The following PCDHA9 variants were observed in gnomAD, a reference collection of about 807,000 sequenced individuals.
PCDHA9 encodes protocadherin alpha 9.
In PCDHA9, 62 loss-of-function variants were observed where a neutral mutation model predicts 62.0. The ratio of observed to expected loss-of-function variants is 1.00; its 90% CI spans 0.81 to 1.23. The LOEUF is 1.23. PCDHA9 is among the 50% of genes most tolerant of loss of function. PCDHA9 has a pLI of 0.00. For synonymous variants in PCDHA9, 557 were observed against 567.6 expected, an observed-to-expected ratio of 0.98 and a Z score of 0.27; for missense variants, 1,205 against 1,249.8, an observed-to-expected ratio of 0.96 and a Z score of 0.54.
chr5:140,969,680 G>A (rs2096353475), intron 1 of PCDHA9, among the ~76,000 whole-genome samples: 1 of 152,204 alleles, frequency 6.6e-6, no homozygotes, highest in African/African-American at 2.4e-5. Context: ...TGAGACTCAA[G>A]GAGAAATGGC....
At chr5:140,924,968 C>T (rs1376675912) in intron 1 of PCDHA9, among the ~76,000 whole-genome samples, 1 of 150,880 alleles carries the variant, frequency 6.6e-6, no homozygotes, top group Non-Finnish European at 1.5e-5. Context: ...AAGGTGAGTG[C>T]AGTGGCTCAT....
intron 1 of PCDHA9, among the ~76,000 whole-genome samples, chr5:140,939,281 G>A (rs1554212652): frequency 6.6e-6 from 1 of 152,014 alleles, no homozygotes; most frequent in African/African-American, 2.4e-5. Context: ...CTGTGCCCTC[G>A]TGATCTAATC....
intron 1 of PCDHA9, among the ~76,000 whole-genome samples, chr5:140,916,170 G>A (rs782402888): frequency 1.5e-4 from 23 of 152,106 alleles, no homozygotes; most frequent in Non-Finnish European, 2.9e-4. Flanking sequence ...TGCCAGGCCT[G>A]GGACTCTTCA....
rs1328741778 is a variant in PCDHA9, at chr5:140,850,113, G to T, written c.1618G>T (p.Ala540Ser). The change falls in exon 1 of 4, where the codon GCG (alanine) becomes TCG (serine). Residue 540 changes from alanine (A) to serine (S), a missense_variant. Ala to Ser is a moderately conservative substitution (Grantham distance 99). Transcript: ENST00000532602. ...ACAGTTCCAGGTGAGCGCGCGCGAC[G>T]CGGGCGTGCCGCCTCTGGGCAGCAA... ...LLQFQVSARD[A>S]GVPPLGSNVT... 18 of 1,595,940 alleles carry T rather than the reference G, an allele frequency of 1.1e-5. 2 individuals are homozygous for T. Among genetic ancestry groups the T allele is most frequent in the Non-Finnish European group, 1.5e-5 (18 of 1,167,848 alleles).
intron 1 of PCDHA9, among the ~76,000 whole-genome samples, chr5:140,888,764 T>G (rs74654123): frequency 6.6e-6 from 1 of 152,068 alleles, no homozygotes; most frequent in Non-Finnish European, 1.5e-5. Flanking sequence ...CTTTTTTTTT[T>G]AATTTTGAAG....
chr5:140,875,952 G>A (rs782164384), intron 1 of PCDHA9: 2 of 1,614,102 alleles, frequency 1.2e-6, no homozygotes, highest in South Asian at 2.2e-5. Flanking sequence ...CTTCTGATGC[G>A]GATATCGGCG....
At chr5:140,882,172 T>C (rs1582596670) in intron 1 of PCDHA9, 2 of 1,514,998 alleles carry the variant, frequency 1.3e-6, no homozygotes, top group South Asian at 2.7e-5. Context: ...TGCGAATCCT[T>C]CCGCACTAGG....
intron 1 of PCDHA9, among the ~76,000 whole-genome samples, chr5:140,949,279 A>T (rs2094358116): frequency 6.6e-6 from 1 of 151,848 alleles, no homozygotes; most frequent in African/African-American, 2.4e-5. Flanking sequence ...CTTGAAAAGA[A>T]TGTATATTCT....
In PCDHA9 at chr5:140,856,320, G is replaced by T. The variant is rs2043925109; in HGVS notation, c.2394+5431G>T. 1.8e-5 allele frequency: 28 copies of T among 1,598,544 alleles called. 3 individuals carry two copies. Among genetic ancestry groups the T allele is most frequent in the Non-Finnish European group, 2.4e-5 (28 of 1,168,074 alleles). ...TTGTTTGTGAATTCTCGGATTGACC[G>T]CGAGGAGCTGTGCGGGCGGAGCGTG... On this transcript the variant is annotated intron_variant, in intron 1 of 3. Coordinates refer to ENST00000532602, the MANE Select transcript of PCDHA9 (RefSeq NM_031857.2).
Position 140,848,580 on chromosome 5 carries a change from G to T in PCDHA9, c.85G>T (p.Gly29Cys). Residue 29 changes from glycine (G) to cysteine (C), a missense_variant, in exon 1 of 4, where the codon GGC becomes TGC. Physicochemically the swap from Gly to Cys is radical, Grantham distance 159 (BLOSUM62 -3). Around this residue, in one of 3 missense-constraint regions of PCDHA9, gnomAD observed 208 missense variants for 213.2 expected, o/e 0.98. Coordinates refer to ENST00000532602, the MANE Select transcript of PCDHA9 (RefSeq NM_031857.2). ...LILAMWVVGSGQLHYSVPEEA... is the reference protein window; with the variant it reads ...LILAMWVVGSCQLHYSVPEEA... ...CCTCGCAATGTGGGTGGTGGGGAGC[G>T]GCCAGCTCCACTACTCCGTCCCGGA... 1 of 1,595,144 alleles carries T rather than the reference G, an allele frequency of 6.3e-7. No individual in the cohort carries two copies. Among genetic ancestry groups the T allele is most frequent in the Non-Finnish European group, 8.6e-7 (1 of 1,165,222 alleles).
intron 1 of PCDHA9, among the ~76,000 whole-genome samples, chr5:140,938,765 A>G (rs1554212377): frequency 6.6e-6 from 1 of 152,182 alleles, no homozygotes; most frequent in Non-Finnish European, 1.5e-5. Context: ...GTTATTGGGT[A>G]CTAGACTTAG....
At chr5:140,923,826 T>A (rs2081533545) in intron 1 of PCDHA9, among the ~76,000 whole-genome samples, 1 of 152,218 alleles carries the variant, frequency 6.6e-6, no homozygotes, top group East Asian at 1.9e-4. Context: ...TAGACGTCAG[T>A]GGCAGTTTAA....
At chr5:140,862,769 C>A (rs782429555) in intron 1 of PCDHA9, 1 of 578,770 alleles carries the variant, frequency 1.7e-6, no homozygotes. Context: ...AAGAGGTACG[C>A]GTTGCAGCCA....
chr5:140,966,705 G>A, intron 1 of PCDHA9: 1 of 1,379,198 alleles, frequency 7.3e-7, no homozygotes, highest in Non-Finnish European at 9.3e-7. Context: ...CGGGCGTGGG[G>A]CACGGCTGGG....
At chr5:140,869,718 T>C in intron 1 of PCDHA9, 1 of 1,613,408 alleles carries the variant, frequency 6.2e-7, no homozygotes, top group Non-Finnish European at 8.5e-7. Context: ...GAGAGAAAAC[T>C]CCGGAACTTA....
intron 1 of PCDHA9, among the ~76,000 whole-genome samples, chr5:140,974,533 C>T (rs540810616): frequency 1.5e-4 from 23 of 152,160 alleles, no homozygotes; most frequent in Middle Eastern, 6.8e-3. Flanking sequence ...TTTTTTGAGA[C>T]GGAGTTTTGC....
intron 3 of PCDHA9, among the ~76,000 whole-genome samples, chr5:141,000,386 T>A (rs1394092081): frequency 5.6e-4 from 37 of 66,542 alleles, no homozygotes; most frequent in African/African-American, 2.4e-3. Flanking sequence ...TCTCTCTCTC[T>A]CTCTCTCTCT....
chr5:140,958,349 G>T lies in PCDHA9; in HGVS notation c.2395-20600G>T, dbSNP rs142186821. Among the ~76,000 whole-genome samples the T allele has an allele frequency of 7.9e-3, 1,199 of 152,218 alleles. 6 individuals carry two copies. The highest frequency in any genetic ancestry group is 0.012 in the Non-Finnish European group (790 of 67,966). On this transcript the variant is annotated intron_variant, in intron 1 of 3. Coordinates refer to ENST00000532602, the MANE Select transcript of PCDHA9 (RefSeq NM_031857.2). ...ATAAATAAATCACAGGAAGTTCACAGTCTGACTTTATCAGGAATGTTGCTA... is the reference window on the plus strand; with the variant it reads ...ATAAATAAATCACAGGAAGTTCACATTCTGACTTTATCAGGAATGTTGCTA...
intron 1 of PCDHA9, among the ~76,000 whole-genome samples, chr5:140,921,713 A>T (rs1247257514): frequency 2.0e-5 from 3 of 152,174 alleles, no homozygotes; most frequent in Non-Finnish European, 4.4e-5. Flanking sequence ...CAGTAAACAC[A>T]CGAATTACTC....
Sources: gnomAD v4.1 joint callset for allele counts (sites outside exome capture counted in the v4.1 genomes callset) on GRCh38, gnomAD v4.1.1 for gene constraint, gnomAD v4.1.1 regional missense constraint, MANE v1.5 for transcripts, NCBI Gene and HGNC (gene_info 2026-07-23, HGNC 2026-07-21) for gene names.